PCDHGA5: variants seen among roughly 807,000 people sequenced by gnomAD.
PCDHGA5 encodes the protein protocadherin gamma subfamily A, 5, also known as protocadherin gamma-A5.
PCDHGA5 carries 36 observed loss-of-function variants against 56.7 expected under a neutral mutation model. The observed-to-expected ratio is 0.64, with a 90% CI of 0.49 to 0.84. PCDHGA5 has a LOEUF of 0.84. Among genes scored for constraint, PCDHGA5 ranks in the 40% least tolerant of loss-of-function variants. The probability of loss-of-function intolerance (pLI) is 0.00; values close to 1 mark genes in which losing one functional copy is unlikely to be tolerated. For synonymous variants in PCDHGA5, 563 were observed against 520.2 expected (o/e 1.08, Z -1.12); for missense variants, 1,305 against 1,201.5 (o/e 1.09, Z -1.27).
chr5:141,482,069 G>A (rs892777397), intron 1 of PCDHGA5, among the ~76,000 whole-genome samples: 1 of 138,078 alleles, frequency 7.2e-6, no homozygotes, highest in Non-Finnish European at 1.5e-5. Context: ...TGGGCAACAA[G>A]AACAAAACTC....
chr5:141,476,224 G>T lies in PCDHGA5; in HGVS notation c.2422-18583G>T. 6.2e-7 allele frequency: 1 copy of T among 1,614,062 alleles called. No individual in the cohort carries two copies. The highest frequency in any genetic ancestry group is 1.1e-5 in the South Asian group (1 of 91,072). ...AGGCTTCCACGGTCATTCACTATGA[G>T]ATCCCGGAGGAAAGAGAGAAGGGTT... On this transcript the variant is annotated intron_variant, in intron 1 of 3. Transcript: ENST00000518069. This position sits in a 1 kb window ranked among gnomAD's most constrained non-coding sequence, Gnocchi z 7.6.
intron 1 of PCDHGA5, chr5:141,383,222 TC>T: frequency 6.2e-7 from 1 of 1,613,962 alleles, no homozygotes. Flanking sequence ...AACTTTAACA[TC>T]CTGATGGAAG....
At chr5:141,459,737 A>T (rs2098974670) in intron 1 of PCDHGA5, among the ~76,000 whole-genome samples, 1 of 152,176 alleles carries the variant, frequency 6.6e-6, no homozygotes, top group African/African-American at 2.4e-5. Flanking sequence ...CAATTTTTTA[A>T]ATTTTAGCAA....
chr5:141,386,359 C>T (rs566341507), intron 1 of PCDHGA5, among the ~76,000 whole-genome samples: 1 of 152,132 alleles, frequency 6.6e-6, no homozygotes, highest in Non-Finnish European at 1.5e-5. Flanking sequence ...AATCTTGATT[C>T]CAGAGACCTT....
chr5:141,389,157 C>T lies in PCDHGA5; in HGVS notation c.2421+22406C>T, dbSNP rs192156139. The T allele has an allele frequency of 2.5e-6, 4 of 1,613,976 alleles. No homozygotes were observed. The East Asian group carries it at 6.7e-5, about 27-fold the overall frequency. ...CAATATAACCGTTACGGCAACAGAT[C>T]GGGGCAAGCCTCCCCTCTCCTCCAG... is the stretch of plus-strand genomic sequence containing the variant. On this transcript the variant is annotated intron_variant, in intron 1 of 3. Coordinates refer to ENST00000518069, the MANE Select transcript of PCDHGA5 (RefSeq NM_018918.3).
In PCDHGA5 at chr5:141,490,682, C is replaced by T. The variant is rs1286126848; in HGVS notation, c.2422-4125C>T. On this transcript the variant is annotated intron_variant, in intron 1 of 3. Coordinates refer to ENST00000518069, the MANE Select transcript of PCDHGA5 (RefSeq NM_018918.3). The surrounding 1 kb of genome is among the most constrained non-coding windows in gnomAD (Gnocchi z 5.4). ...CTTTGCACTGTGGCTGCCTCAGATC[C>T]AGACACTGGGGATAATGCCCGCCTC... 10 of 1,614,054 alleles carry T rather than the reference C, an allele frequency of 6.2e-6. No homozygotes were observed. The highest frequency in any genetic ancestry group is 3.3e-5 in the Admixed American group (2 of 60,008).
intron 1 of PCDHGA5, among the ~76,000 whole-genome samples, chr5:141,469,414 A>C (rs1455286338): frequency 1.3e-5 from 2 of 152,118 alleles, no homozygotes; most frequent in Non-Finnish European, 2.9e-5. Flanking sequence ...GTTTCTACTA[A>C]AAATATAAAA....
intron 1 of PCDHGA5, chr5:141,415,179 G>A: frequency 6.2e-7 from 1 of 1,613,934 alleles, no homozygotes; most frequent in Non-Finnish European, 8.5e-7. Flanking sequence ...CCGTGGCCGT[G>A]GCCGACAGCA....
At chr5:141,450,006 CTTT>C (rs1554136305) in intron 1 of PCDHGA5, among the ~76,000 whole-genome samples, 9 of 132,974 alleles carry the variant, frequency 6.8e-5, no homozygotes, top group Admixed American at 7.8e-5. Context: ...TGCCATGTCT[CTTT>C]TTTTTTTTTT....
chr5:141,482,767 A>AGCTAGTACTATAATTATTTTTATTAGTTC (rs1370824281), intron 1 of PCDHGA5, among the ~76,000 whole-genome samples: 2 of 150,588 alleles, frequency 1.3e-5, no homozygotes, highest in African/African-American at 2.5e-5. Context: ...TTTCATTATC[A>AGCTAGTACTATAATTATTTTTATTAGTTC]CTGAACCTTA....
At chr5:141,413,488 C>G in intron 1 of PCDHGA5, 1 of 1,613,986 alleles carries the variant, frequency 6.2e-7, no homozygotes, top group Non-Finnish European at 8.5e-7. Context: ...TCAGAGCGCG[C>G]GGTGCGTGGT....
Position 141,365,626 on chromosome 5 carries a change from C to T in PCDHGA5, c.1296C>T (p.Leu432=). The part of the protein sequence containing the change: ...LTVMDHGTPP[L]STESHIPLKV... ...TCATGGACCATGGAACCCCGCCCCT[C>T]TCTACAGAAAGCCACATCCCCTTGA... Residue 432 remains leucine, a synonymous_variant, in exon 1 of 4, where the codon CTC becomes CTT. Transcript: ENST00000518069. 2 of 1,613,678 alleles carry T rather than the reference C, an allele frequency of 1.2e-6. No homozygotes were observed. The highest frequency in any genetic ancestry group is 8.5e-7 in the Non-Finnish European group (1 of 1,179,876).
chr5:141,489,253 A>T lies in PCDHGA5; in HGVS notation c.2422-5554A>T. 1 of 1,547,506 alleles carries T rather than the reference A, an allele frequency of 6.5e-7. No individual in the cohort carries two copies. The highest frequency in any genetic ancestry group is 2.3e-5 in the East Asian group (1 of 44,418). ...GGACTTCTGGGTCATGGGGCCCAAG[A>T]CACTCCCACAGCTCGCTGGGAAATG... On this transcript the variant is annotated intron_variant, in intron 1 of 3. Coordinates refer to ENST00000518069, the MANE Select transcript of PCDHGA5 (RefSeq NM_018918.3). This position sits in a 1 kb window ranked among gnomAD's most constrained non-coding sequence, Gnocchi z 4.5.
intron 3 of PCDHGA5, among the ~76,000 whole-genome samples, chr5:141,510,639 T>TATCA (rs998925545): frequency 1.4e-4 from 22 of 152,300 alleles, no homozygotes; most frequent in African/African-American, 4.6e-4. Context: ...TGGTTACCAT[T>TATCA]ATCATCCCCA....
chr5:141,383,553 C>T (rs765903383), intron 1 of PCDHGA5: 3 of 1,612,130 alleles, frequency 1.9e-6, no homozygotes, highest in South Asian at 2.2e-5. Flanking sequence ...CTGATGGCGG[C>T]GACCCGCCCC....
At chr5:141,386,384 A>G (rs1033532471) in intron 1 of PCDHGA5, among the ~76,000 whole-genome samples, 6 of 152,220 alleles carry the variant, frequency 3.9e-5, no homozygotes, top group Non-Finnish European at 8.8e-5. Flanking sequence ...TATTAATTAA[A>G]AACACACTTT....
chr5:141,387,721 C>A, intron 1 of PCDHGA5: 2 of 1,151,790 alleles, frequency 1.7e-6, no homozygotes, highest in Non-Finnish European at 2.4e-6. Context: ...CTCAGACTCC[C>A]CAGCGCCAGC....
intron 1 of PCDHGA5, chr5:141,399,615 A>G (rs756068630): frequency 1.2e-6 from 2 of 1,613,942 alleles, no homozygotes; most frequent in South Asian, 1.1e-5. Context: ...AGCCTCTGGC[A>G]CTGGCCTCTT....
At chr5:141,399,363 G>A (rs773376480) in intron 1 of PCDHGA5, 5 of 1,613,910 alleles carry the variant, frequency 3.1e-6, no homozygotes, top group Non-Finnish European at 3.4e-6. Flanking sequence ...AGCAAACCCC[G>A]GAGTACAATG....
Sources: allele counts gnomAD v4.1 joint callset (sites outside exome capture counted in the v4.1 genomes callset), GRCh38; gene constraint gnomAD v4.1.1; non-coding constraint Gnocchi (gnomAD v3.1); transcripts MANE v1.5; gene names NCBI Gene and HGNC (gene_info 2026-07-23, HGNC 2026-07-21).